The following TNR variants were observed in gnomAD, a reference collection of about 807,000 sequenced individuals.
TNR encodes tenascin R.
TNR carries 45 observed loss-of-function variants against 150.4 expected under a neutral mutation model. The ratio of observed to expected loss-of-function variants is 0.30; its 90% CI spans 0.24 to 0.38. The LOEUF (loss-of-function observed/expected upper bound fraction) is 0.38. Among genes scored for constraint, TNR ranks in the 10% least tolerant of loss-of-function variants. The pLI is 1.00. For synonymous variants in TNR, 687 were observed against 678.4 expected (o/e 1.01, Z -0.20); for missense variants, 1,544 against 1,759.1 (o/e 0.88, Z 2.19).
intron 1 of TNR, among the ~76,000 whole-genome samples, chr1:175,649,655 C>T (rs1273446572): frequency 2.0e-5 from 3 of 152,178 alleles, no homozygotes; most frequent in South Asian, 2.1e-4. Flanking sequence ...CACAGCCCGG[C>T]CCCCGGTTCC....
At chr1:175,504,713 C>T (rs1395819641) in intron 2 of TNR, among the ~76,000 whole-genome samples, 1 of 152,180 alleles carries the variant, frequency 6.6e-6, no homozygotes, top group Non-Finnish European at 1.5e-5. Flanking sequence ...AGGAAAGCTC[C>T]AGGAAAGCTA....
chr1:175,563,841 T>C (rs1284324499), intron 1 of TNR, among the ~76,000 whole-genome samples: 1 of 152,226 alleles, frequency 6.6e-6, no homozygotes, highest in African/African-American at 2.4e-5. Flanking sequence ...TTCTGACATG[T>C]TGGCTGGGTG....
chr1:175,476,670 A>G (rs1293404589), intron 2 of TNR, among the ~76,000 whole-genome samples: 1 of 152,254 alleles, frequency 6.6e-6, no homozygotes, highest in African/African-American at 2.4e-5. Flanking sequence ...GGGGTGCTGG[A>G]AAGTGGAGTA....
chr1:175,378,653 A>C (rs575403949), intron 9 of TNR, among the ~76,000 whole-genome samples: 1 of 152,356 alleles, frequency 6.6e-6, no homozygotes, highest in Admixed American at 6.5e-5. Context: ...AGCATTTGCC[A>C]GTCCTATATA....
At chr1:175,356,602 A>G (rs2102006887) in intron 15 of TNR, 140 bp from the exon 16 acceptor site, 1 of 997,942 alleles carries the variant, frequency 1.0e-6, no homozygotes, top group Non-Finnish European at 1.4e-6. Context: ...CTAGCTTAGT[A>G]TCTTACTCTT....
chr1:175,607,053 C>T (rs1227042182), intron 1 of TNR, among the ~76,000 whole-genome samples: 3 of 152,216 alleles, frequency 2.0e-5, no homozygotes, highest in South Asian at 2.1e-4. Flanking sequence ...TCTGGAGACT[C>T]CAAACTGTGA....
chr1:175,686,360 G>A (rs1376775105), intron 1 of TNR, among the ~76,000 whole-genome samples: 2 of 152,210 alleles, frequency 1.3e-5, no homozygotes, highest in African/African-American at 4.8e-5. Context: ...GTCATTAGAT[G>A]TGTCATAGAG....
chr1:175,442,499 A>G (rs1655838421), intron 2 of TNR, among the ~76,000 whole-genome samples: 1 of 151,802 alleles, frequency 6.6e-6, no homozygotes, highest in Non-Finnish European at 1.5e-5. Context: ...TTATTGGAAG[A>G]TTGAGAGTGA....
intron 1 of TNR, among the ~76,000 whole-genome samples, chr1:175,632,713 G>A (rs994020619): frequency 6.6e-6 from 1 of 152,164 alleles, no homozygotes; most frequent in East Asian, 1.9e-4. Flanking sequence ...CCTGAGAATG[G>A]CCCTGCAAGG....
intron 1 of TNR, among the ~76,000 whole-genome samples, chr1:175,564,884 C>T (rs547756800): frequency 1.3e-5 from 2 of 152,322 alleles, no homozygotes; most frequent in Non-Finnish European, 2.9e-5. Context: ...GTCTGGCTTC[C>T]CTCTTCAGCT....
intron 2 of TNR, among the ~76,000 whole-genome samples, chr1:175,467,738 C>T (rs906066366): frequency 1.7e-4 from 26 of 152,244 alleles, no homozygotes; most frequent in African/African-American, 2.6e-4. Flanking sequence ...AAAGGAAATA[C>T]GTGGGAATTT....
intron 1 of TNR, among the ~76,000 whole-genome samples, chr1:175,577,455 C>G (rs1257300256): frequency 6.6e-6 from 1 of 152,162 alleles, no homozygotes; most frequent in East Asian, 1.9e-4. Context: ...ACACAACAGA[C>G]AATCAATTAC....
intron 1 of TNR, among the ~76,000 whole-genome samples, chr1:175,668,706 T>C (rs1665603590): frequency 6.6e-6 from 1 of 152,218 alleles, no homozygotes; most frequent in Admixed American, 6.5e-5. Context: ...ACCATGCTAA[T>C]ATTACACATA....
At chr1:175,623,126 G>A (rs1664034550) in intron 1 of TNR, among the ~76,000 whole-genome samples, 3 of 152,164 alleles carry the variant, frequency 2.0e-5, no homozygotes. Flanking sequence ...TCTCTCATGG[G>A]ATCCGAAAGT....
intron 2 of TNR, among the ~76,000 whole-genome samples, chr1:175,434,319 G>T (rs1006425554): frequency 6.6e-6 from 1 of 152,132 alleles, no homozygotes; most frequent in Non-Finnish European, 1.5e-5. Flanking sequence ...CCCTGGGCCT[G>T]ATAATGGATC....
intron 1 of TNR, among the ~76,000 whole-genome samples, chr1:175,585,032 G>A (rs1057033034): frequency 6.6e-5 from 10 of 152,140 alleles, no homozygotes; most frequent in African/African-American, 2.2e-4. Flanking sequence ...ACTAAATAAC[G>A]TTGTTAATAG....
chr1:175,742,438 C>T (rs531195524), intron 1 of TNR, among the ~76,000 whole-genome samples: 3 of 152,156 alleles, frequency 2.0e-5, no homozygotes, highest in African/African-American at 4.8e-5. Context: ...TTCCAACCAC[C>T]CATAGCCAAA....
rs1161676789 is a variant in TNR, at chr1:175,405,622, T to A, written c.499+594A>T. ...GAGAGAGTATGTGTGTGTGAGAGTGTGTGTGTGTGTGTGTGTGTGTGTGTG... is the reference window on the plus strand; with the variant it reads ...GAGAGAGTATGTGTGTGTGAGAGTGAGTGTGTGTGTGTGTGTGTGTGTGTG... On this transcript the variant is annotated intron_variant, in intron 3 of 22. Coordinates refer to ENST00000367674, the MANE Select transcript of TNR (RefSeq NM_003285.3). Among the ~76,000 whole-genome samples the A allele has an allele frequency of 7.7e-3, 119 of 15,360 alleles. 1 individual carries two copies. In the East Asian group the frequency reaches 0.15, roughly 20 times the overall value. 10.1% of individuals were successfully genotyped at this position (15,360 alleles called of 152,430 possible). A position where few individuals can be genotyped will look rare whatever the true frequency, so the allele number is the denominator to read the frequency against.
In TNR at chr1:175,431,632, TA is replaced by T. The variant is rs1205319594; in HGVS notation, c.-63-24856del. Reference sequence around the variant, plus strand: ...TGGCCAGGAAAGCTTCCACTGACAATAACTTTTTTTTTTTTTTTTGTAATGG... The same window carrying T: ...TGGCCAGGAAAGCTTCCACTGACAATACTTTTTTTTTTTTTTTTGTAATGG... On this transcript the variant is annotated intron_variant, in intron 2 of 22. Transcript: ENST00000367674. Among the ~76,000 whole-genome samples the T allele has an allele frequency of 3.0e-5, 4 of 133,964 alleles. No individual in the cohort carries two copies. The East Asian group carries it at 8.6e-4, about 29-fold the overall frequency. 87.9% of individuals were successfully genotyped at this position (133,964 alleles called of 152,430 possible).
Sources: allele counts gnomAD v4.1 joint callset (sites outside exome capture counted in the v4.1 genomes callset), GRCh38; gene constraint gnomAD v4.1.1; transcripts MANE v1.5; gene names NCBI Gene and HGNC (gene_info 2026-07-23, HGNC 2026-07-21).